ADGRF4: variants seen among roughly 807,000 people sequenced by gnomAD.
ADGRF4 encodes adhesion G protein-coupled receptor F4.
Under a neutral mutation model 58.5 loss-of-function variants are expected in ADGRF4, and 63 were observed. The observed-to-expected ratio is 1.08, with a 90% CI of 0.88 to 1.33. The LOEUF is 1.33. Among genes scored for constraint, ADGRF4 ranks in the 40% most tolerant of loss-of-function variants. ADGRF4 has a pLI of 0.00. For missense variants in ADGRF4, 931 were observed against 843.9 expected, an observed-to-expected ratio of 1.10 and a Z score of -1.28; for synonymous variants, 313 against 295.4, an observed-to-expected ratio of 1.06 and a Z score of -0.61.
chr6:47,700,986 G>A (rs376235214), intron 1 of ADGRF4, among the ~76,000 whole-genome samples: 10 of 150,730 alleles, frequency 6.6e-5, no homozygotes, highest in Non-Finnish European at 1.2e-4. Flanking sequence ...CTCAGGCTCT[G>A]GGGGGGAAGA....
intron 1 of ADGRF4, among the ~76,000 whole-genome samples, chr6:47,702,454 G>T (rs960887978): frequency 1.3e-5 from 2 of 152,196 alleles, no homozygotes; most frequent in Admixed American, 6.5e-5. Context: ...CGAATTCAAA[G>T]AAAATTAGGT....
At chr6:47,715,324 G>A in intron 6 of ADGRF4, 147 bp downstream of exon 6, 7 of 634,556 alleles carry the variant, frequency 1.1e-5, no homozygotes, top group Non-Finnish European at 1.6e-5. Flanking sequence ...TGACTGTATT[G>A]ATTGTCAAGT....
rs952489889 is a variant in ADGRF4 at position 47,710,646 on chromosome 6, A to G, written c.149-89A>G. On this transcript the variant is annotated intron_variant, in intron 3 of 9. Transcript: ENST00000283303. ...GCCTCCTCCAGGAAGCAATCCAAAAATCTCCAGAATGAATTTGATGCACCT... is the reference window on the plus strand; with the variant it reads ...GCCTCCTCCAGGAAGCAATCCAAAAGTCTCCAGAATGAATTTGATGCACCT... 4.0e-5 allele frequency: 55 copies of G among 1,390,142 alleles called. No individual in the cohort carries two copies. The African/African-American group carries it at 7.9e-4, about 20-fold the overall frequency. The allele number at this position is 1,390,142 out of a possible 1,614,324, so 86.1% of individuals were successfully genotyped here. A position where few individuals can be genotyped will look rare whatever the true frequency, so the allele number is the denominator to read the frequency against.
At chr6:47,708,561 A>G (rs1486813793) in intron 3 of ADGRF4, among the ~76,000 whole-genome samples, 1 of 152,234 alleles carries the variant, frequency 6.6e-6, no homozygotes, top group African/African-American at 2.4e-5. Flanking sequence ...GTAATGAGTT[A>G]ACAGGAGGCA....
intron 5 of ADGRF4, among the ~76,000 whole-genome samples, chr6:47,713,374 C>T (rs1489420888): frequency 6.6e-6 from 1 of 152,174 alleles, no homozygotes; most frequent in Non-Finnish European, 1.5e-5. Flanking sequence ...TATGGCAGGA[C>T]TTTTCAGAGC....
chr6:47,715,308 C>G, intron 6 of ADGRF4, 131 bp downstream of exon 6: 1 of 711,186 alleles, frequency 1.4e-6, no homozygotes, highest in Non-Finnish European at 2.3e-6. Context: ...TTGGCTATGG[C>G]ATCTGTGACT....
intron 9 of ADGRF4, 32 bp from the exon 10 acceptor site, chr6:47,721,177 G>A (rs1772147279): frequency 6.6e-6 from 1 of 152,190 alleles, no homozygotes; most frequent in Non-Finnish European, 1.5e-5. Flanking sequence ...TATTATTCTT[G>A]CTATTAATTG....
At chr6:47,715,249 T>C in intron 6 of ADGRF4, 72 bp downstream of exon 6, 1 of 1,091,758 alleles carries the variant, frequency 9.2e-7, no homozygotes, top group East Asian at 2.4e-5. Context: ...GATTTGAAAT[T>C]ATATAACACA....
At chr6:47,707,634 A>G (rs1323815974) in intron 2 of ADGRF4, among the ~76,000 whole-genome samples, 10 of 152,220 alleles carry the variant, frequency 6.6e-5, no homozygotes. Flanking sequence ...AACAATGGAG[A>G]GTCAGATCTT....
At chr6:47,719,835 A>G (rs1283052552) in intron 9 of ADGRF4, among the ~76,000 whole-genome samples, 2 of 152,196 alleles carry the variant, frequency 1.3e-5, no homozygotes, top group African/African-American at 4.8e-5. Flanking sequence ...GTCTGCCAGT[A>G]TTAGAAGGAA....
intron 3 of ADGRF4, among the ~76,000 whole-genome samples, chr6:47,709,417 G>T (rs1041325517): frequency 3.9e-5 from 6 of 152,188 alleles, no homozygotes; most frequent in African/African-American, 1.4e-4. Context: ...AGGCAGGGTT[G>T]AGTAGTTGTG....
chr6:47,714,436 C>T lies in ADGRF4; in HGVS notation c.1191C>T (p.Thr397=), dbSNP rs367867105. ...FSILMSSKSM[T]DKVLDYITCI... ...TTCTCATGTCCTCCAAATCGATGAC[C>T]GACAAAGTTCTGGACTACATCACCT... Residue 397 remains threonine, a synonymous_variant, in exon 6 of 10, where the codon ACC becomes ACT. Coordinates refer to ENST00000283303, the MANE Select transcript of ADGRF4 (RefSeq NM_153838.5). The T allele has an allele frequency of 3.7e-5, 59 of 1,613,982 alleles. No individual in the cohort carries two copies. Among genetic ancestry groups the T allele is most frequent in the South Asian group, 2.0e-4 (18 of 91,070 alleles).
intron 4 of ADGRF4, among the ~76,000 whole-genome samples, chr6:47,712,100 G>A (rs113759805): frequency 0.018 from 2,742 of 152,144 alleles, 67 homozygotes; most frequent in African/African-American, 0.061. Flanking sequence ...TATAATACTT[G>A]AGTTAAAAAT....
At chr6:47,719,943 G>A (rs981516585) in intron 9 of ADGRF4, among the ~76,000 whole-genome samples, 2 of 152,180 alleles carry the variant, frequency 1.3e-5, no homozygotes, top group Admixed American at 1.3e-4. Context: ...GCTACATGAG[G>A]TAGGCGAGGA....
rs542761704 is a variant in ADGRF4 at position 47,709,689 on chromosome 6, G to A, written c.149-1046G>A. Among the ~76,000 whole-genome samples, 3 of 152,282 alleles carry A rather than the reference G, an allele frequency of 2.0e-5. No homozygotes were observed. The South Asian group carries it at 6.2e-4, about 32-fold the overall frequency. On this transcript the variant is annotated intron_variant, in intron 3 of 9. Coordinates refer to ENST00000283303, the MANE Select transcript of ADGRF4 (RefSeq NM_153838.5). ...TGTATTCCCTAAATCAATACTCCCAGTGCTTTTGTGGTCATTCACAGACAT... is the reference window on the plus strand; with the variant it reads ...TGTATTCCCTAAATCAATACTCCCAATGCTTTTGTGGTCATTCACAGACAT...
At chr6:47,712,252 CT>C in intron 4 of ADGRF4, 104 bp from the exon 5 acceptor site, 1 of 1,118,040 alleles carries the variant, frequency 8.9e-7, no homozygotes. Context: ...GGACTCTTTG[CT>C]TCTCCATCTA....
intron 5 of ADGRF4, among the ~76,000 whole-genome samples, chr6:47,713,221 C>G (rs1447408929): frequency 6.6e-6 from 1 of 152,100 alleles, no homozygotes; most frequent in African/African-American, 2.4e-5. Context: ...GAAGCTAGTA[C>G]CCGGTGCCAA....
intron 2 of ADGRF4, among the ~76,000 whole-genome samples, chr6:47,708,002 C>G (rs900788077): frequency 6.6e-6 from 1 of 152,142 alleles, no homozygotes; most frequent in Non-Finnish European, 1.5e-5. Flanking sequence ...GCCAAGTGAC[C>G]ACCATCAAGG....
At chr6:47,712,993 G>A (rs1228201486) in intron 5 of ADGRF4, among the ~76,000 whole-genome samples, 1 of 152,154 alleles carries the variant, frequency 6.6e-6, no homozygotes, top group African/African-American at 2.4e-5. Context: ...AGCGGAGGGT[G>A]AGCGAACATT....
Sources: allele counts gnomAD v4.1 joint callset (sites outside exome capture counted in the v4.1 genomes callset), GRCh38; gene constraint gnomAD v4.1.1; transcripts MANE v1.5; gene names NCBI Gene and HGNC (gene_info 2026-07-23, HGNC 2026-07-21).